KDM4C: variants seen among roughly 807,000 people sequenced by gnomAD.
KDM4C encodes lysine demethylase 4C.
KDM4C carries 81 observed loss-of-function variants against 129.3 expected under a neutral mutation model. The observed-to-expected ratio is 0.63, with a 90% CI of 0.52 to 0.75. The LOEUF (loss-of-function observed/expected upper bound fraction) is 0.75. Ranked by LOEUF, KDM4C falls within the 30% of genes least tolerant of loss-of-function variation. KDM4C has a pLI of 0.00. For missense variants in KDM4C, 1,457 were observed against 1,304.0 expected (o/e 1.12, Z -1.81); for synonymous variants, 573 against 456.1 (o/e 1.26, Z -3.26).
intron 8 of KDM4C, among the ~76,000 whole-genome samples, chr9:6,918,977 G>A (rs983246315): frequency 1.3e-5 from 2 of 151,902 alleles, no homozygotes; most frequent in Admixed American, 1.3e-4. Flanking sequence ...TCAGCCTTCC[G>A]AGTAGCTGGG....
intron 11 of KDM4C, chr9:6,986,999 T>A (rs1461601174): frequency 3.3e-5 from 7 of 211,928 alleles, no homozygotes; most frequent in Non-Finnish European, 6.6e-5. Flanking sequence ...TACCCTTTAC[T>A]CAGTTTCTCC....
intron 1 of KDM4C, chr9:6,721,140 C>G: frequency 1.5e-6 from 1 of 645,324 alleles, no homozygotes; most frequent in African/African-American, 1.8e-5. Context: ...GTGGTGCAAT[C>G]ACACCTCACT....
chr9:7,022,122 G>C (rs749439529), intron 15 of KDM4C, among the ~76,000 whole-genome samples: 1 of 152,036 alleles, frequency 6.6e-6, no homozygotes, highest in Non-Finnish European at 1.5e-5. Flanking sequence ...GCTTAGGATA[G>C]TTTTGGCTGT....
intron 12 of KDM4C, among the ~76,000 whole-genome samples, chr9:6,996,361 A>G (rs187189966): frequency 6.6e-5 from 10 of 152,312 alleles, no homozygotes; most frequent in East Asian, 3.9e-4. Context: ...TTCTGGCCTC[A>G]TGGTGCATTG....
intron 17 of KDM4C, among the ~76,000 whole-genome samples, chr9:7,090,904 C>G (rs1366746487): frequency 2.0e-5 from 3 of 152,204 alleles, no homozygotes; most frequent in African/African-American, 7.2e-5. Context: ...GAGAACTGTA[C>G]TTTTCTTGCA....
chr9:7,097,879 T>C (rs1229728234), intron 17 of KDM4C, among the ~76,000 whole-genome samples: 1 of 152,232 alleles, frequency 6.6e-6, no homozygotes, highest in Non-Finnish European at 1.5e-5. Flanking sequence ...AGTATTGAAA[T>C]GGGTGAAAGA....
intron 5 of KDM4C, among the ~76,000 whole-genome samples, chr9:6,865,755 AT>A (rs941691419): frequency 2.5e-4 from 25 of 98,848 alleles, no homozygotes; most frequent in Admixed American, 2.8e-4. Flanking sequence ...TATTTTATTT[AT>A]TTTTTTTTTT....
chr9:7,050,277 T>G (rs1174631126), intron 17 of KDM4C, among the ~76,000 whole-genome samples: 1 of 151,780 alleles, frequency 6.6e-6, no homozygotes, highest in African/African-American at 2.4e-5. Flanking sequence ...CTTAGGATGC[T>G]CAGCATGTGG....
intron 19 of KDM4C, among the ~76,000 whole-genome samples, chr9:7,129,844 A>C (rs1328180131): frequency 6.6e-6 from 1 of 152,186 alleles, no homozygotes; most frequent in African/African-American, 2.4e-5. Flanking sequence ...AACCCTACAC[A>C]CTAGGCACTA....
intron 19 of KDM4C, among the ~76,000 whole-genome samples, chr9:7,136,486 A>G (rs1374914432): frequency 2.0e-5 from 3 of 152,308 alleles, no homozygotes; most frequent in East Asian, 1.9e-4. Flanking sequence ...ATCCTCACCA[A>G]CACCTGTGTT....
intron 8 of KDM4C, among the ~76,000 whole-genome samples, chr9:6,914,407 C>T (rs1489979631): frequency 6.6e-6 from 1 of 152,116 alleles, no homozygotes; most frequent in Non-Finnish European, 1.5e-5. Flanking sequence ...TTGTCTAAGA[C>T]AGTAACAGAT....
chr9:6,758,109 AGTC>A lies in KDM4C; in HGVS notation c.-111_-109del. 2 of 985,516 alleles carry A rather than the reference AGTC, an allele frequency of 2.0e-6. No homozygotes were observed. The highest frequency in any genetic ancestry group is 2.4e-6 in the Non-Finnish European group (2 of 830,046). 61.0% of individuals were successfully genotyped at this position (985,516 alleles called of 1,614,324 possible). On this transcript the variant is annotated 5_prime_UTR_variant, in exon 1 of 22. Transcript: ENST00000381309. The surrounding 1 kb of genome is among the most constrained non-coding windows in gnomAD (Gnocchi z 4.6). ...AACAGCTGTCACCTAGTGCGGAACA[AGTC>A]TCCCAAATTTCCCAAATCTCCCTGG...
intron 4 of KDM4C, among the ~76,000 whole-genome samples, chr9:6,836,328 T>A (rs949646383): frequency 6.6e-6 from 1 of 152,114 alleles, no homozygotes; most frequent in Non-Finnish European, 1.5e-5. Flanking sequence ...GCCAAGATCA[T>A]GCCATTGCAC....
At chr9:6,747,617 T>C (rs1167142351) in intron 1 of KDM4C, among the ~76,000 whole-genome samples, 1 of 149,460 alleles carries the variant, frequency 6.7e-6, no homozygotes, top group Non-Finnish European at 1.5e-5. Flanking sequence ...CTGGAAACAA[T>C]CCACTGTATG....
At chr9:6,793,530 TTTTC>T (rs201827540) in intron 2 of KDM4C, among the ~76,000 whole-genome samples, 2,492 of 151,272 alleles carry the variant, frequency 0.016, 59 homozygotes, top group African/African-American at 0.056. Context: ...ATGTTTTTTC[TTTTC>T]TTTCTTTCTT....
At chr9:6,747,461 T>G (rs960041312) in intron 1 of KDM4C, among the ~76,000 whole-genome samples, 1 of 142,598 alleles carries the variant, frequency 7.0e-6, no homozygotes, top group Non-Finnish European at 1.5e-5. Flanking sequence ...GGCAGGAGAA[T>G]AGTGTGAACT....
At chr9:6,887,936 C>G in intron 6 of KDM4C, 24 bp from the exon 7 acceptor site, 2 of 1,381,282 alleles carry the variant, frequency 1.4e-6, no homozygotes, top group Non-Finnish European at 2.1e-6. Context: ...CACAGTGCCA[C>G]TTACATTTAT....
intron 19 of KDM4C, among the ~76,000 whole-genome samples, chr9:7,149,738 C>T (rs1452443207): frequency 2.6e-5 from 4 of 152,158 alleles, no homozygotes; most frequent in South Asian, 2.1e-4. Flanking sequence ...TGATTATGGT[C>T]GATGGTGGCA....
chr9:7,065,037 T>C (rs1354205763), intron 17 of KDM4C, among the ~76,000 whole-genome samples: 1 of 152,206 alleles, frequency 6.6e-6, no homozygotes, highest in African/African-American at 2.4e-5. Flanking sequence ...TAGTGAAAGA[T>C]AAATGTGTCC....
Sources: gnomAD v4.1 joint callset for allele counts (sites outside exome capture counted in the v4.1 genomes callset) on GRCh38, gnomAD v4.1.1 for gene constraint, Gnocchi (gnomAD v3.1) non-coding constraint, MANE v1.5 for transcripts, NCBI Gene and HGNC (gene_info 2026-07-23, HGNC 2026-07-21) for gene names.